SLK: variants seen among roughly 807,000 people sequenced by gnomAD.
SLK encodes the protein STE20 like kinase.
Under a neutral mutation model 147.7 loss-of-function variants are expected in SLK, and 67 were observed. The ratio of observed to expected loss-of-function variants is 0.45; its 90% CI spans 0.37 to 0.56. SLK has a LOEUF of 0.56. Ranked by LOEUF, SLK falls within the 20% of genes least tolerant of loss-of-function variation. The pLI is 0.00. For missense variants in SLK, 1,136 were observed against 1,438.8 expected (o/e 0.79, Z 3.41); for synonymous variants, 441 against 475.0 (o/e 0.93, Z 0.93).
chr10:104,003,634 T>A, intron 9 of SLK, 107 bp downstream of exon 9: 1 of 901,188 alleles, frequency 1.1e-6, no homozygotes, highest in Admixed American at 2.5e-5. Flanking sequence ...ATTAATGTAG[T>A]ATTAACAATA....
intron 18 of SLK, among the ~76,000 whole-genome samples, chr10:104,023,737 T>C (rs1374359707): frequency 6.6e-6 from 1 of 152,184 alleles, no homozygotes; most frequent in Non-Finnish European, 1.5e-5. Flanking sequence ...TGTTTTTCTT[T>C]GTAACAATTC....
At chr10:103,983,691 T>C (rs1021067459) in intron 1 of SLK, among the ~76,000 whole-genome samples, 5 of 150,948 alleles carry the variant, frequency 3.3e-5, no homozygotes, top group Admixed American at 6.6e-5. Flanking sequence ...TGCTCCAGCA[T>C]CAGCAGTTTC....
Position 104,002,785 on chromosome 10 carries a change from A to G in SLK, c.1607A>G (p.Lys536Arg), listed in dbSNP as rs149001506. Residue 536 changes from lysine (K) to arginine (R), a missense_variant, in exon 9 of 19, where the codon AAA (lysine) becomes AGA (arginine). Physicochemically the swap from Lys to Arg is conservative, Grantham distance 26. This residue lies in a region of SLK where 516 missense variants were observed against 531.3 expected (regional missense o/e 0.97). Transcript: ENST00000369755. ...CAAGAGAAATTGGGGGAAGACGACAAAACTCAAAAAGATGTGATCAGCAAT... is the reference window on the plus strand; with the variant it reads ...CAAGAGAAATTGGGGGAAGACGACAGAACTCAAAAAGATGTGATCAGCAAT... ...DTQEKLGEDDKTQKDVISNTS... is the reference protein window; with the variant it reads ...DTQEKLGEDDRTQKDVISNTS... 9.6e-5 allele frequency: 155 copies of G among 1,614,026 alleles called. No individual in the cohort carries two copies. The highest frequency in any genetic ancestry group is 1.6e-4 in the Middle Eastern group (1 of 6,084).
At chr10:103,992,141 G>GTTTCTTTTTTTTTTTTT (rs1844102632) in intron 2 of SLK, among the ~76,000 whole-genome samples, 1 of 91,792 alleles carries the variant, frequency 1.1e-5, no homozygotes, top group African/African-American at 4.0e-5. Context: ...TATTTCTTCT[G>GTTTCTTTTTTTTTTTTT]TTTTTTTTTT....
intron 4 of SLK, among the ~76,000 whole-genome samples, chr10:103,996,133 T>C (rs76277595): frequency 0.013 from 2,006 of 152,308 alleles, 44 homozygotes; most frequent in African/African-American, 0.046. Flanking sequence ...CTCTCTGAAT[T>C]CTTACATAGT....
At chr10:103,994,455 A>C (rs1166677186) in intron 4 of SLK, among the ~76,000 whole-genome samples, 1 of 152,146 alleles carries the variant, frequency 6.6e-6, no homozygotes, top group African/African-American at 2.4e-5. Flanking sequence ...CTCATATAAA[A>C]CTTGGGTTTT....
At chr10:104,019,300 G>C (rs961578010) in intron 15 of SLK, among the ~76,000 whole-genome samples, 2 of 152,074 alleles carry the variant, frequency 1.3e-5, no homozygotes, top group Non-Finnish European at 2.9e-5. Context: ...TTGAGACAGA[G>C]TCTCGCTCTG....
At chr10:104,019,997 C>T (rs1844514233) in intron 16 of SLK, 75 bp downstream of exon 16, 1 of 1,219,958 alleles carries the variant, frequency 8.2e-7, no homozygotes, top group Admixed American at 2.1e-5. Flanking sequence ...TACAAAATTC[C>T]TTTCTTTCTA....
chr10:104,009,827 T>C (rs2134511983), intron 12 of SLK, among the ~76,000 whole-genome samples: 1 of 152,200 alleles, frequency 6.6e-6, no homozygotes, highest in East Asian at 1.9e-4. Flanking sequence ...TTGGGGAGTC[T>C]CTTCCTTTTA....
At chr10:104,007,028 G>A (rs1393309009) in intron 11 of SLK, among the ~76,000 whole-genome samples, 4 of 152,078 alleles carry the variant, frequency 2.6e-5, no homozygotes, top group African/African-American at 7.2e-5. Flanking sequence ...TGTTGCAAGA[G>A]TAGATTTATA....
chr10:104,005,075 C>CA (rs1004406370), intron 9 of SLK, among the ~76,000 whole-genome samples: 24 of 150,436 alleles, frequency 1.6e-4, no homozygotes, highest in East Asian at 1.2e-3. Flanking sequence ...AGAGCTTTTT[C>CA]AAAAAAAAGA....
chr10:103,968,893 C>G (rs1197566338), intron 1 of SLK, among the ~76,000 whole-genome samples: 1 of 152,108 alleles, frequency 6.6e-6, no homozygotes, highest in Non-Finnish European at 1.5e-5. Flanking sequence ...GACTTGAACT[C>G]AGGTCTTCTG....
intron 4 of SLK, among the ~76,000 whole-genome samples, chr10:103,994,152 G>A (rs1844135719): frequency 6.6e-6 from 1 of 152,068 alleles, no homozygotes; most frequent in South Asian, 2.1e-4. Flanking sequence ...TCTGCCTTGG[G>A]CCTCCTGAAG....
chr10:103,972,655 G>C (rs903558287), intron 1 of SLK, among the ~76,000 whole-genome samples: 2 of 137,866 alleles, frequency 1.5e-5, no homozygotes, highest in South Asian at 2.4e-4. Context: ...CTGGGCGAAA[G>C]AGCAAGACTC....
intron 11 of SLK, among the ~76,000 whole-genome samples, chr10:104,006,867 C>T (rs1280687805): frequency 6.6e-6 from 1 of 151,940 alleles, no homozygotes; most frequent in Non-Finnish European, 1.5e-5. Flanking sequence ...TATTGTTTTC[C>T]AAAACCTTAT....
rs371702036 is a variant in SLK at position 104,002,737 on chromosome 10, T to C, written c.1559T>C (p.Val520Ala). The C allele has an allele frequency of 6.2e-7, 1 of 1,613,604 alleles. No homozygotes were observed. Among genetic ancestry groups the C allele is most frequent in the African/African-American group, 1.3e-5 (1 of 74,868 alleles). The change falls in exon 9 of 19, where the codon GTT becomes GCT. Residue 520 changes from valine (V) to alanine (A), a missense_variant. Val to Ala is a moderately conservative substitution (Grantham distance 64). This residue lies in a region of SLK where 516 missense variants were observed against 531.3 expected (regional missense o/e 0.97). Transcript: ENST00000369755. ...AATATTCAGGCAGTTGATAGTGAAG[T>C]TGGGCTTACAAAGGAAGACACCCAA... is the stretch of plus-strand genomic sequence containing the variant. ...EANIQAVDSE[V>A]GLTKEDTQEK...
At chr10:103,990,861 A>G (rs1310558958) in intron 2 of SLK, 22 bp downstream of exon 2, 1 of 1,439,676 alleles carries the variant, frequency 6.9e-7, no homozygotes, top group Non-Finnish European at 9.2e-7. Flanking sequence ...CTGTTGATCT[A>G]AAGGAGTAGC....
At chr10:103,981,343 A>T (rs1843939859) in intron 1 of SLK, among the ~76,000 whole-genome samples, 1 of 152,104 alleles carries the variant, frequency 6.6e-6, no homozygotes, top group Admixed American at 6.5e-5. Flanking sequence ...AACATTTTAC[A>T]ATTTTCATCA....
intron 1 of SLK, among the ~76,000 whole-genome samples, chr10:103,980,731 A>G (rs985313966): frequency 6.6e-5 from 10 of 152,218 alleles, no homozygotes; most frequent in African/African-American, 2.2e-4. Flanking sequence ...CCACTCATCT[A>G]TTGATGTCAC....
Sources: allele counts gnomAD v4.1 joint callset (sites outside exome capture counted in the v4.1 genomes callset), GRCh38; gene constraint gnomAD v4.1.1; regional missense constraint gnomAD v4.1.1; transcripts MANE v1.5; gene names NCBI Gene and HGNC (gene_info 2026-07-23, HGNC 2026-07-21).